Variants in SH3GL1 observed in about 807,000 individuals in gnomAD.
SH3GL1 encodes the protein SH3 domain containing GRB2 like 1, endophilin A2, also known as endophilin-A2.
Under a neutral mutation model 48.8 loss-of-function variants are expected in SH3GL1, and 21 were observed. That is an observed-to-expected ratio of 0.43 (90% CI 0.30 to 0.62). The LOEUF is 0.62. SH3GL1 is among the 20% of genes least tolerant of loss of function. SH3GL1 has a pLI of 0.11. For missense variants in SH3GL1, 454 were observed against 503.0 expected (o/e 0.90, Z 0.93); for synonymous variants, 282 against 217.5 (o/e 1.30, Z -2.61).
At chr19:4,371,670 C>G (rs1258306368) in intron 1 of SH3GL1, among the ~76,000 whole-genome samples, 1 of 152,230 alleles carries the variant, frequency 6.6e-6, no homozygotes, top group African/African-American at 2.4e-5. Context: ...CCCCAGGGTC[C>G]TCAGGTCTCA....
intron 1 of SH3GL1, among the ~76,000 whole-genome samples, chr19:4,378,742 CAT>C (rs1229517339): frequency 6.6e-6 from 1 of 152,022 alleles, no homozygotes; most frequent in African/African-American, 2.4e-5. Flanking sequence ...AAACAGAAAC[CAT>C]ACACCACCCT....
chr19:4,361,660 G>A lies in SH3GL1; in HGVS notation c.1047C>T (p.Asp349=), dbSNP rs373082659. ...IDENWYEGML[D]GQSGFFPLSY... ...TGAGCGGGAAGAAGCCCGACTGGCCGTCCAGCATGCCCTCGTACCAGTTCT... is the reference window on the plus strand; with the variant it reads ...TGAGCGGGAAGAAGCCCGACTGGCCATCCAGCATGCCCTCGTACCAGTTCT... The change falls in exon 10 of 10, where the codon GAC becomes GAT. Residue 349 remains aspartate, a synonymous_variant. Transcript: ENST00000269886. The A allele has an allele frequency of 1.5e-4, 246 of 1,611,692 alleles. No individual in the cohort carries two copies. Among genetic ancestry groups the A allele is most frequent in the Non-Finnish European group, 2.0e-4 (238 of 1,179,646 alleles).
At position 4,400,432 on chromosome 19, in the gene SH3GL1, G is replaced by A. The variant is rs1973503335; in HGVS notation, c.-64C>T. ...CAGCGACAGGCTCCCGGGCGCCGCC[G>A]ACCCTCTGCGCGCCTCAGCAGTCCC... On this transcript the variant is annotated 5_prime_UTR_variant, in exon 1 of 10. Coordinates refer to ENST00000269886, the MANE Select transcript of SH3GL1 (RefSeq NM_003025.4). This position sits in a 1 kb window ranked among gnomAD's most constrained non-coding sequence, Gnocchi z 4.1. The A allele has an allele frequency of 6.9e-7, 1 of 1,457,068 alleles. No individual in the cohort carries two copies. Among genetic ancestry groups the A allele is most frequent in the Non-Finnish European group, 9.0e-7 (1 of 1,105,818 alleles). 90.3% of individuals were successfully genotyped at this position (1,457,068 alleles called of 1,614,324 possible). A position where few individuals can be genotyped will look rare whatever the true frequency, so the allele number is the denominator to read the frequency against.
chr19:4,363,719 C>T lies in SH3GL1; in HGVS notation c.624+1G>A. The T allele has an allele frequency of 6.2e-7, 1 of 1,613,152 alleles. No homozygotes were observed. Among genetic ancestry groups the T allele is most frequent in the South Asian group, 1.1e-5 (1 of 91,046 alleles). ...AGGATGTGACACCCCGAGCTACTCA[C>T]GTCAGTCTCCAGGAGGTTGTGCATG... On this transcript the variant is annotated splice_donor_variant, in intron 6 of 9. Coordinates refer to ENST00000269886, the MANE Select transcript of SH3GL1 (RefSeq NM_003025.4). LOFTEE classifies it high-confidence loss of function.
intron 3 of SH3GL1, 129 bp from the exon 4 acceptor site, chr19:4,365,754 C>A: frequency 1.5e-6 from 2 of 1,320,734 alleles, no homozygotes; most frequent in Non-Finnish European, 1.1e-6. Flanking sequence ...CCACACAAAG[C>A]ACAGTGGAAT....
intron 3 of SH3GL1, among the ~76,000 whole-genome samples, chr19:4,366,115 GTC>G (rs1972772545): frequency 6.6e-6 from 1 of 152,202 alleles, no homozygotes; most frequent in African/African-American, 2.4e-5. Context: ...GGAAAAGCCC[GTC>G]TCTCAGCCAG....
At chr19:4,392,877 G>C (rs1973362877) in intron 1 of SH3GL1, among the ~76,000 whole-genome samples, 1 of 152,182 alleles carries the variant, frequency 6.6e-6, no homozygotes, top group Non-Finnish European at 1.5e-5. Flanking sequence ...GGCAGCAGAG[G>C]TTGCAGTGAG....
chr19:4,392,393 G>A (rs933480444), intron 1 of SH3GL1, among the ~76,000 whole-genome samples: 3 of 151,924 alleles, frequency 2.0e-5, no homozygotes, highest in Admixed American at 6.6e-5. Flanking sequence ...CTGTGGTGGC[G>A]CACGCCTGTA....
chr19:4,398,130 C>T (rs556357909), intron 1 of SH3GL1, among the ~76,000 whole-genome samples: 1 of 152,256 alleles, frequency 6.6e-6, no homozygotes, highest in Admixed American at 6.5e-5. Context: ...CAGGCATGAG[C>T]CACAGCACCT....
In SH3GL1 at chr19:4,364,150, C is replaced by A; in HGVS notation, c.403G>T (p.Val135Phe). The A allele has an allele frequency of 6.2e-7, 1 of 1,613,976 alleles. No homozygotes were observed. Among genetic ancestry groups the A allele is most frequent in the Non-Finnish European group, 8.5e-7 (1 of 1,180,026 alleles). The change falls in exon 5 of 10, where the codon GTC becomes TTC. Residue 135 changes from valine (V) to phenylalanine (F), a missense_variant. Around this residue, in one of 2 missense-constraint regions of SH3GL1, gnomAD observed 176 missense variants for 256.2 expected, o/e 0.69. Coordinates refer to ENST00000269886, the MANE Select transcript of SH3GL1 (RefSeq NM_003025.4). ...AEVKDSLDIEVKQNFIDPLQN... is the reference protein window; with the variant it reads ...AEVKDSLDIEFKQNFIDPLQN... ...AGGGGGTCAATGAAGTTCTGCTTGA[C>A]CTCGATGTCCAGGGAGTCCTTCACC...
At position 4,361,834 on chromosome 19, in the gene SH3GL1, C is replaced by T. The variant is rs200643274; in HGVS notation, c.911-38G>A. On this transcript the variant is annotated intron_variant, in intron 9 of 9. Transcript: ENST00000269886. ...GCGGGCTGTGGGGCTGGGGCTGCTA[C>T]GCCTCACCCCGCCCAGTCTGGGGTC... 7.9e-4 allele frequency: 1,106 copies of T among 1,402,982 alleles called. 12 individuals carry two copies. In the African/African-American group the frequency reaches 0.013, roughly 17 times the overall value. 86.9% of individuals were successfully genotyped at this position (1,402,982 alleles called of 1,614,324 possible).
Position 4,361,454 on chromosome 19 carries a change from T to C in SH3GL1, c.*146A>G. Reference sequence around the variant, plus strand: ...CCCCCACCCAAGTGTGGGGTCCTGCTCAGGGAGTACCTCAAGGGCCGGGGC... The same window carrying C: ...CCCCCACCCAAGTGTGGGGTCCTGCCCAGGGAGTACCTCAAGGGCCGGGGC... On this transcript the variant is annotated 3_prime_UTR_variant, in exon 10 of 10. Transcript: ENST00000269886. 1 of 638,054 alleles carries C rather than the reference T, an allele frequency of 1.6e-6. No homozygotes were observed. Among genetic ancestry groups the C allele is most frequent in the South Asian group, 1.9e-5 (1 of 53,168 alleles). The allele number at this position is 638,054 out of a possible 1,614,324, so 39.5% of individuals were successfully genotyped here. A position where few individuals can be genotyped will look rare whatever the true frequency, so the allele number is the denominator to read the frequency against.
chr19:4,364,916 A>ATATTTTTTTTT (rs1450528018), intron 4 of SH3GL1, among the ~76,000 whole-genome samples: 2 of 116,212 alleles, frequency 1.7e-5, no homozygotes, highest in African/African-American at 7.6e-5. Context: ...ATATATATAT[A>ATATTTTTTTTT]TTTTTTTTTT....
At position 4,367,745 on chromosome 19, in the gene SH3GL1, C is replaced by T. The variant is rs1972813428; in HGVS notation, c.46-751G>A. ...TCCCAAACCACTCCCTCTGACAGCG[C>T]CTGGGATGCGAAAAACAGCCCTGAA... is the stretch of plus-strand genomic sequence containing the variant. On this transcript the variant is annotated intron_variant, in intron 1 of 9. Coordinates refer to ENST00000269886, the MANE Select transcript of SH3GL1 (RefSeq NM_003025.4). The surrounding 1 kb of genome is among the most constrained non-coding windows in gnomAD (Gnocchi z 4.2). 6.6e-6 allele frequency among the ~76,000 whole-genome samples: 1 copy of T among 152,208 alleles called. No homozygotes were observed. Among genetic ancestry groups the T allele is most frequent in the South Asian group, 2.1e-4 (1 of 4,836 alleles).
intron 1 of SH3GL1, among the ~76,000 whole-genome samples, chr19:4,383,520 G>A (rs1568418064): frequency 6.6e-6 from 1 of 152,012 alleles, no homozygotes; most frequent in East Asian, 1.9e-4. Context: ...GGCATGAGCC[G>A]CTGCACCTGT....
intron 1 of SH3GL1, among the ~76,000 whole-genome samples, chr19:4,373,515 G>C (rs1315185614): frequency 6.6e-6 from 1 of 152,188 alleles, no homozygotes; most frequent in African/African-American, 2.4e-5. Flanking sequence ...TTTTCTCACG[G>C]AAACCCCAAA....
chr19:4,392,483 C>A (rs1001646895), intron 1 of SH3GL1, among the ~76,000 whole-genome samples: 1 of 150,474 alleles, frequency 6.6e-6, no homozygotes, highest in Non-Finnish European at 1.5e-5. Flanking sequence ...GAGATCGGCC[C>A]GCTGCACTCC....
At chr19:4,388,963 C>G (rs975664183) in intron 1 of SH3GL1, among the ~76,000 whole-genome samples, 1 of 152,210 alleles carries the variant, frequency 6.6e-6, no homozygotes, top group East Asian at 1.9e-4. Context: ...TGTTCCCAAC[C>G]GAGTTCTCCG....
At chr19:4,384,082 A>T (rs997348228) in intron 1 of SH3GL1, among the ~76,000 whole-genome samples, 1 of 152,228 alleles carries the variant, frequency 6.6e-6, no homozygotes, top group African/African-American at 2.4e-5. Flanking sequence ...GCCCTCTGCG[A>T]CAAGGCTGGG....
Sources: gnomAD v4.1 joint callset for allele counts (sites outside exome capture counted in the v4.1 genomes callset) on GRCh38, gnomAD v4.1.1 for gene constraint, gnomAD v4.1.1 regional missense constraint, Gnocchi (gnomAD v3.1) non-coding constraint, MANE v1.5 for transcripts, NCBI Gene and HGNC (gene_info 2026-07-23, HGNC 2026-07-21) for gene names.